The following AGBL1 variants were observed in gnomAD, a reference collection of about 807,000 sequenced individuals.
The protein encoded by AGBL1 is AGBL carboxypeptidase 1.
AGBL1 carries 130 observed loss-of-function variants against 118.9 expected under a neutral mutation model. That is an observed-to-expected ratio of 1.09 (90% CI 0.95 to 1.26). The LOEUF (loss-of-function observed/expected upper bound fraction) is 1.26, where lower values mean the gene tolerates loss of function less well. Ranked by LOEUF, AGBL1 falls within the 50% of genes most tolerant of loss-of-function variation. AGBL1 has a pLI of 0.00. For missense variants in AGBL1, 1,584 were observed against 1,298.1 expected (o/e 1.22, Z -3.38); for synonymous variants, 555 against 478.9 (o/e 1.16, Z -2.08).
chr15:86,391,998 C>T (rs763784769), intron 17 of AGBL1, among the ~76,000 whole-genome samples: 2 of 151,894 alleles, frequency 1.3e-5, no homozygotes, highest in Non-Finnish European at 2.9e-5. Context: ...TCCTGTGGTG[C>T]CTTAGTATTT....
chr15:86,593,595 T>A lies in AGBL1; in HGVS notation c.2994+39058T>A, dbSNP rs1414934668. On this transcript the variant is annotated intron_variant, in intron 21 of 22. Coordinates refer to ENST00000614907, the MANE Select transcript of AGBL1 (RefSeq NM_001386094.1). Reference sequence around the variant, plus strand: ...GATAAATTGCATGGACTAATTGTTATATCAACTTCGCTGGCATATAATTTA... The same window carrying A: ...GATAAATTGCATGGACTAATTGTTAAATCAACTTCGCTGGCATATAATTTA... Among the ~76,000 whole-genome samples, 7 of 152,234 alleles carry A rather than the reference T, an allele frequency of 4.6e-5. No homozygotes were observed. The South Asian group carries it at 1.0e-3, about 23-fold the overall frequency.
chr15:86,586,560 G>A (rs2346707), intron 21 of AGBL1, among the ~76,000 whole-genome samples: 4 of 151,898 alleles, frequency 2.6e-5, no homozygotes, highest in South Asian at 2.1e-4. Flanking sequence ...TGTTTTATTC[G>A]GAGCCAATGT....
intron 22 of AGBL1, among the ~76,000 whole-genome samples, chr15:86,823,157 C>T (rs920918003): frequency 6.6e-6 from 1 of 152,120 alleles, no homozygotes. Context: ...ATACCCTTAT[C>T]TTCTGTAACT....
chr15:86,749,179 A>G (rs903001664), intron 22 of AGBL1, among the ~76,000 whole-genome samples: 1 of 151,970 alleles, frequency 6.6e-6, no homozygotes, highest in Non-Finnish European at 1.5e-5. Context: ...GTCCTCTTTT[A>G]TTTCGTTGAG....
At chr15:86,380,422 T>C (rs141169771) in intron 17 of AGBL1, among the ~76,000 whole-genome samples, 9,052 of 151,408 alleles carry the variant, frequency 0.06, 611 homozygotes, top group African/African-American at 0.17. Context: ...GTAGCTGGGA[T>C]TACAGGCGTG....
At chr15:86,487,700 A>T (rs2142135759) in intron 18 of AGBL1, among the ~76,000 whole-genome samples, 1 of 152,224 alleles carries the variant, frequency 6.6e-6, no homozygotes, top group African/African-American at 2.4e-5. Flanking sequence ...CTATTAAGGA[A>T]TCAACTGCAT....
At chr15:86,220,191 A>G (rs1048488078) in intron 5 of AGBL1, among the ~76,000 whole-genome samples, 1 of 152,048 alleles carries the variant, frequency 6.6e-6, no homozygotes, top group South Asian at 2.1e-4. Flanking sequence ...TCACCTTGTG[A>G]TCCACCTGCC....
chr15:86,238,870 G>C (rs1402680877), intron 6 of AGBL1, among the ~76,000 whole-genome samples: 2 of 151,972 alleles, frequency 1.3e-5, no homozygotes, highest in African/African-American at 2.4e-5. Flanking sequence ...GTCCAGGCTG[G>C]TCTTGAACTC....
intron 22 of AGBL1, among the ~76,000 whole-genome samples, chr15:86,826,689 A>G (rs2141401636): frequency 6.6e-6 from 1 of 152,248 alleles, no homozygotes; most frequent in Non-Finnish European, 1.5e-5. Context: ...CTGAGAGAGA[A>G]CTCTGCACTA....
At position 86,650,876 on chromosome 15, in the gene AGBL1, G is replaced by A. The variant is rs1019856172; in HGVS notation, c.2995-23397G>A. ...CTTGCCCACGCTACTCTCTGCCAAGGACAAATTCCAAGTAGGTTTGATTTG... is the reference window on the plus strand; with the variant it reads ...CTTGCCCACGCTACTCTCTGCCAAGAACAAATTCCAAGTAGGTTTGATTTG... On this transcript the variant is annotated intron_variant, in intron 21 of 22. Coordinates refer to ENST00000614907, the MANE Select transcript of AGBL1 (RefSeq NM_001386094.1). 6.0e-4 allele frequency among the ~76,000 whole-genome samples: 92 copies of A among 152,128 alleles called. 1 individual carries two copies. Among genetic ancestry groups the A allele is most frequent in the Non-Finnish European group, 2.5e-4 (17 of 68,022 alleles).
intron 18 of AGBL1, among the ~76,000 whole-genome samples, chr15:86,486,973 A>G (rs1185451155): frequency 2.0e-5 from 3 of 151,994 alleles, no homozygotes; most frequent in Non-Finnish European, 4.4e-5. Context: ...AACCCGCTGG[A>G]TGCTTATCCT....
intron 7 of AGBL1, among the ~76,000 whole-genome samples, chr15:86,253,354 G>T (rs573076231): frequency 1.3e-5 from 2 of 152,068 alleles, no homozygotes; most frequent in Admixed American, 6.5e-5. Flanking sequence ...GAGTTCAAGC[G>T]ATTCTCCTGC....
intron 3 of AGBL1, among the ~76,000 whole-genome samples, chr15:86,151,764 TG>T (rs1489819375): frequency 2.0e-5 from 3 of 152,318 alleles, no homozygotes; most frequent in Non-Finnish European, 4.4e-5. Flanking sequence ...CATGATTGTA[TG>T]TTTAGAAAAC....
intron 17 of AGBL1, among the ~76,000 whole-genome samples, chr15:86,364,988 TAC>T (rs1226981308): frequency 9.7e-5 from 10 of 103,580 alleles, no homozygotes; most frequent in Admixed American, 6.7e-4. Flanking sequence ...TATATATATA[TAC>T]ACACACACAT....
At chr15:86,883,594 C>G (rs777786868) in intron 22 of AGBL1, among the ~76,000 whole-genome samples, 1 of 152,178 alleles carries the variant, frequency 6.6e-6, no homozygotes, top group Admixed American at 6.5e-5. Flanking sequence ...AGAACATTCA[C>G]CAAACTCTAC....
intron 21 of AGBL1, among the ~76,000 whole-genome samples, chr15:86,561,860 G>C (rs2142287741): frequency 6.6e-6 from 1 of 152,194 alleles, no homozygotes; most frequent in Non-Finnish European, 1.5e-5. Flanking sequence ...TCCTTGAAGA[G>C]GTCCTTCACA....
intron 24 of AGBL1, among the ~76,000 whole-genome samples, chr15:87,006,102 C>G (rs2081498909): frequency 1.3e-5 from 2 of 152,186 alleles, no homozygotes; most frequent in African/African-American, 2.4e-5. Context: ...CAGTCTGCCC[C>G]TACTGTTGGG....
intron 5 of AGBL1, among the ~76,000 whole-genome samples, chr15:86,190,051 A>G (rs975117845): frequency 6.6e-6 from 1 of 152,192 alleles, no homozygotes; most frequent in Non-Finnish European, 1.5e-5. Context: ...AAACAGAAAG[A>G]TTATAATTTT....
intron 17 of AGBL1, among the ~76,000 whole-genome samples, chr15:86,374,323 C>T (rs2081008090): frequency 6.6e-6 from 1 of 152,206 alleles, no homozygotes; most frequent in Non-Finnish European, 1.5e-5. Context: ...TTTTATGTTT[C>T]ATGGATGCAT....
Sources: allele counts gnomAD v4.1 joint callset (sites outside exome capture counted in the v4.1 genomes callset), GRCh38; gene constraint gnomAD v4.1.1; transcripts MANE v1.5; gene names NCBI Gene and HGNC (gene_info 2026-07-23, HGNC 2026-07-21).